RPGRIP1: variants seen among roughly 807,000 people sequenced by gnomAD.
The protein encoded by RPGRIP1 is X-linked retinitis pigmentosa GTPase regulator-interacting protein 1.
A neutral mutation model predicts 157.9 loss-of-function variants in RPGRIP1; 128 were observed. The ratio of observed to expected loss-of-function variants is 0.81; its 90% confidence interval spans 0.70 to 0.94. The LOEUF (loss-of-function observed/expected upper bound fraction) is 0.94. Among genes scored for constraint, RPGRIP1 ranks in the 40% least tolerant of loss-of-function variants. The probability of loss-of-function intolerance (pLI) is 0.00; values close to 1 mark genes in which losing one functional copy is unlikely to be tolerated. For synonymous variants in RPGRIP1, 554 were observed against 571.6 expected (o/e 0.97, Z 0.44); for missense variants, 1,486 against 1,545.8 (o/e 0.96, Z 0.65).
intron 21 of RPGRIP1, among the ~76,000 whole-genome samples, chr14:21,336,959 C>T (rs1884424940): frequency 6.6e-6 from 1 of 151,884 alleles, no homozygotes; most frequent in South Asian, 2.1e-4. Flanking sequence ...AGAAAGGAGC[C>T]TATCTAAGCA....
chr14:21,287,662 G>A (rs773805139), intron 1 of RPGRIP1, among the ~76,000 whole-genome samples: 5 of 152,012 alleles, frequency 3.3e-5, no homozygotes, highest in Admixed American at 6.6e-5. Context: ...GATGGTCATC[G>A]GCTTCCAGGC....
rs1462796890 is a variant in RPGRIP1 at position 21,287,986 on chromosome 14, C to G, written c.10C>G (p.Leu4Val). The change falls in exon 2 of 25, where the codon CTG becomes GTG. Residue 4 changes from leucine to valine, a missense_variant. By Grantham distance (32) the Leu-to-Val change is conservative. Coordinates refer to ENST00000400017, the MANE Select transcript of RPGRIP1 (RefSeq NM_020366.4). MSH[L>V]VDPTSGDLPV... ...CTTGGGAACAGAGATCATGTCACAT[C>G]TGGTGGACCCTACATCAGGAGACTT... The G allele has an allele frequency of 1.2e-6, 2 of 1,611,786 alleles. No individual in the cohort carries two copies. Among genetic ancestry groups the G allele is most frequent in the Non-Finnish European group, 8.5e-7 (1 of 1,178,072 alleles).
chr14:21,343,552 G>A (rs906763905), intron 22 of RPGRIP1, among the ~76,000 whole-genome samples: 3 of 152,120 alleles, frequency 2.0e-5, no homozygotes, highest in African/African-American at 7.2e-5. Context: ...ATGCAGTGGT[G>A]TGATCTTGGC....
intron 22 of RPGRIP1, among the ~76,000 whole-genome samples, chr14:21,343,601 G>A (rs11847835): frequency 3.3e-5 from 5 of 151,990 alleles, no homozygotes; most frequent in South Asian, 2.1e-4. Context: ...AGCGATTCAC[G>A]TGACTCAGCC....
rs398124355 is a variant in RPGRIP1, at chr14:21,343,110, C to T, written c.3414C>T (p.Asn1138=). The T allele has an allele frequency of 9.3e-6, 15 of 1,613,508 alleles. No individual in the cohort carries two copies. The highest frequency in any genetic ancestry group is 1.3e-5 in the Non-Finnish European group (15 of 1,179,484). Residue 1138 remains asparagine, a synonymous_variant, in exon 22 of 25, where the codon AAC becomes AAT. Transcript: ENST00000400017. The part of the protein sequence containing the change: ...YPEAEVMSDE[N]IKQVYVEYKF... Reference sequence around the variant, plus strand: ...AGGCAGAAGTGATGTCTGATGAGAACATAAAACAGGTGTATGTGGAGTACA... The same window carrying T: ...AGGCAGAAGTGATGTCTGATGAGAATATAAAACAGGTGTATGTGGAGTACA...
intron 6 of RPGRIP1, among the ~76,000 whole-genome samples, chr14:21,304,389 GAGAAAGAAAGAAAGAAAGAAAGAAAGAA>G (rs4058350): frequency 3.3e-5 from 4 of 120,950 alleles, no homozygotes; most frequent in African/African-American, 1.2e-4. Flanking sequence ...GAAGGAGAGA[GAGAAAGAAAGAAAGAAAGAAAGAAAGAA>G]AGAAAGAAAG....
chr14:21,323,452 A>G (rs1188274916), intron 14 of RPGRIP1, among the ~76,000 whole-genome samples: 2 of 151,956 alleles, frequency 1.3e-5, no homozygotes, highest in South Asian at 2.1e-4. Context: ...ATAAAAGCAC[A>G]TAAGTGTCTC....
chr14:21,335,145 C>A (rs940184518), intron 21 of RPGRIP1, among the ~76,000 whole-genome samples: 2 of 150,270 alleles, frequency 1.3e-5, no homozygotes, highest in Non-Finnish European at 2.9e-5. Context: ...ATGGAAAATG[C>A]AAATTGTTTA....
chr14:21,313,870 A>G (rs1190236970), intron 10 of RPGRIP1, among the ~76,000 whole-genome samples: 1 of 151,794 alleles, frequency 6.6e-6, no homozygotes, highest in Non-Finnish European at 1.5e-5. Flanking sequence ...TATGTTATGT[A>G]TCTTTATGGT....
intron 1 of RPGRIP1, among the ~76,000 whole-genome samples, chr14:21,281,607 T>C (rs1475025031): frequency 1.3e-5 from 2 of 151,032 alleles, no homozygotes; most frequent in Non-Finnish European, 2.9e-5. Flanking sequence ...GAGAATTGCT[T>C]GAACCCTGGA....
chr14:21,335,722 T>G (rs1422072167), intron 21 of RPGRIP1, among the ~76,000 whole-genome samples: 1 of 151,410 alleles, frequency 6.6e-6, no homozygotes, highest in African/African-American at 2.5e-5. Flanking sequence ...TCCCAGCTAC[T>G]CGGGAGGCTG....
chr14:21,336,403 C>A (rs2139298905), intron 21 of RPGRIP1, among the ~76,000 whole-genome samples: 1 of 152,212 alleles, frequency 6.6e-6, no homozygotes, highest in African/African-American at 2.4e-5. Flanking sequence ...GGCGTGTTGG[C>A]TCACATCTGA....
chr14:21,342,627 T>C (rs1885131776), intron 21 of RPGRIP1, among the ~76,000 whole-genome samples: 1 of 152,048 alleles, frequency 6.6e-6, no homozygotes, highest in Admixed American at 6.6e-5. Flanking sequence ...ACAGTTTTGC[T>C]GCATTTATAT....
At chr14:21,297,834 A>ATTTTCTTTCTTTCT (rs146421534) in intron 3 of RPGRIP1, among the ~76,000 whole-genome samples, 1 of 133,216 alleles carries the variant, frequency 7.5e-6, no homozygotes, top group African/African-American at 3.1e-5. Context: ...TCAATAAATT[A>ATTTTCTTTCTTTCT]TTCTTTCTTT....
chr14:21,320,482 G>A (rs973212429), intron 12 of RPGRIP1, among the ~76,000 whole-genome samples: 1 of 151,830 alleles, frequency 6.6e-6, no homozygotes, highest in East Asian at 1.9e-4. Flanking sequence ...TAGTAGAGAC[G>A]GGGTTTCACC....
chr14:21,315,341 A>G (rs1881729628), intron 10 of RPGRIP1, among the ~76,000 whole-genome samples: 1 of 151,724 alleles, frequency 6.6e-6, no homozygotes, highest in East Asian at 2.0e-4. Flanking sequence ...CCCCGTCTCT[A>G]CTAAAAATAC....
intron 6 of RPGRIP1, among the ~76,000 whole-genome samples, chr14:21,305,082 G>A (rs535970557): frequency 3.9e-4 from 59 of 152,300 alleles, no homozygotes; most frequent in African/African-American, 1.2e-3. Context: ...GATTACAGGC[G>A]TAAGCCACTG....
Position 21,341,313 on chromosome 14 carries a change from G to T in RPGRIP1, c.3340-1723G>T, listed in dbSNP as rs536921949. On this transcript the variant is annotated intron_variant, in intron 21 of 24. Transcript: ENST00000400017. The stretch of plus-strand genomic sequence containing the variant: ...CCCAAAATGCTGGTATTACAGGTGT[G>T]AGCCTCTGCACCCCGCCAAATATCT... Among the ~76,000 whole-genome samples the T allele has an allele frequency of 1.3e-4, 20 of 152,266 alleles. No individual in the cohort carries two copies. The South Asian group carries it at 3.9e-3, about 30-fold the overall frequency.
In RPGRIP1 at chr14:21,324,895, C is replaced by T; in HGVS notation, c.2040C>T (p.Ser680=). The part of the protein sequence containing the change: ...VGPQPLYDFT[S]QYVMETDSLF... ...CACAGCCCCTCTATGACTTCACCTC[C>T]CAGTATGTGATGGAGACAGATTCGC... Residue 680 remains serine, a synonymous_variant, in exon 15 of 25, where the codon TCC becomes TCT. Transcript: ENST00000400017. The T allele has an allele frequency of 6.2e-7, 1 of 1,614,066 alleles. No individual in the cohort carries two copies. Among genetic ancestry groups the T allele is most frequent in the Middle Eastern group, 1.6e-4 (1 of 6,062 alleles).
Sources: allele counts gnomAD v4.1 joint callset (sites outside exome capture counted in the v4.1 genomes callset), GRCh38; gene constraint gnomAD v4.1.1; transcripts MANE v1.5; gene names NCBI Gene and HGNC (gene_info 2026-07-23, HGNC 2026-07-21).